Variants in EDARADD observed in about 807,000 individuals in gnomAD.
EDARADD encodes the protein EDAR associated via death domain, also known as ectodysplasin-A receptor-associated adapter protein.
Under a neutral mutation model 25.6 loss-of-function variants are expected in EDARADD, and 20 were observed. The observed-to-expected ratio is 0.78, with a 90% CI of 0.55 to 1.14. The LOEUF is 1.14. Ranked by LOEUF, EDARADD falls within the 50% of genes most tolerant of loss-of-function variation. The pLI is 0.00. For synonymous variants in EDARADD, 86 were observed against 94.4 expected (o/e 0.91, Z 0.52); for missense variants, 225 against 270.1 (o/e 0.83, Z 1.17).
At chr1:236,414,072 C>T (rs140384311) in intron 2 of EDARADD, among the ~76,000 whole-genome samples, 188 bp from the exon 3 acceptor site, 47 of 152,316 alleles carry the variant, frequency 3.1e-4, no homozygotes, top group Non-Finnish European at 4.4e-5. Flanking sequence ...AACCTCTTGT[C>T]AACCTTGATT....
In EDARADD at chr1:236,439,177, G is replaced by T. The variant is rs114131795; in HGVS notation, c.219+11727G>T. Among the ~76,000 whole-genome samples the T allele has an allele frequency of 4.6e-3, 693 of 152,274 alleles. 9 individuals carry two copies. Among genetic ancestry groups the T allele is most frequent in the African/African-American group, 0.016 (659 of 41,556 alleles). On this transcript the variant is annotated intron_variant, in intron 4 of 5. Coordinates refer to ENST00000334232, the MANE Select transcript of EDARADD (RefSeq NM_145861.4). ...TTTTCTTGCTGTCTTTTCACTGCTT[G>T]ATAGTTCATTTCTGTTTAGTGCTTA...
chr1:236,388,731 T>C (rs1248228091), intron 3 of EDARADD, among the ~76,000 whole-genome samples: 1 of 152,250 alleles, frequency 6.6e-6, no homozygotes, highest in Non-Finnish European at 1.5e-5. Flanking sequence ...CACCAAGCTA[T>C]ATTCACTTAT....
chr1:236,421,489 CTTTTTTTTTTTTTTTT>C (rs34922732), intron 3 of EDARADD, among the ~76,000 whole-genome samples: 1 of 75,430 alleles, frequency 1.3e-5, no homozygotes, highest in African/African-American at 4.6e-5. Flanking sequence ...CTTCCCAGTT[CTTTTTTTTTTTTTTTT>C]TTTTTTTTTT....
chr1:236,367,103 A>G (rs1158483711), intron 3 of EDARADD, among the ~76,000 whole-genome samples: 2 of 148,516 alleles, frequency 1.3e-5, no homozygotes, highest in Admixed American at 6.7e-5. Flanking sequence ...AAAAAAAAAA[A>G]GTAGAGTGTC....
At chr1:236,467,263 C>T (rs774542215) in intron 4 of EDARADD, among the ~76,000 whole-genome samples, 1 of 142,290 alleles carries the variant, frequency 7.0e-6, no homozygotes. Context: ...CCCAGGGCTT[C>T]TGACTCGCCT....
intron 1 of EDARADD, among the ~76,000 whole-genome samples, chr1:236,405,867 TTCC>T (rs1558112755): frequency 1.3e-3 from 79 of 60,808 alleles, no homozygotes; most frequent in Admixed American, 4.5e-3. Flanking sequence ...CCTTCCTTCC[TTCC>T]TTCCTTCTTT....
At chr1:236,453,749 T>G (rs1394348918) in intron 4 of EDARADD, among the ~76,000 whole-genome samples, 1 of 152,168 alleles carries the variant, frequency 6.6e-6, no homozygotes, top group Non-Finnish European at 1.5e-5. Context: ...ACCATCCAGG[T>G]TTGTGTAAGG....
intron 3 of EDARADD, among the ~76,000 whole-genome samples, chr1:236,351,708 CAA>C (rs35576705): frequency 0.18 from 22,032 of 123,352 alleles, 2,010 homozygotes; most frequent in East Asian, 0.44. Context: ...GACTCTGTCT[CAA>C]AAAAAAAAAA....
At position 236,405,725 on chromosome 1, in the gene EDARADD, T is replaced by TTTTCTTTC. The variant is rs1227603633; in HGVS notation, c.62-3431_62-3424dup. Among the ~76,000 whole-genome samples the TTTTCTTTC allele has an allele frequency of 7.4e-3, 886 of 120,516 alleles. 21 individuals are homozygous for TTTTCTTTC. The highest frequency in any genetic ancestry group is 0.05 in the East Asian group (171 of 3,412). 79.1% of individuals were successfully genotyped at this position (120,516 alleles called of 152,430 possible). On this transcript the variant is annotated intron_variant, in intron 1 of 5. Transcript: ENST00000334232. ...CTGCATTTTCCTCTCCTTCCTTTCT[T>TTTTCTTTC]TTTCTTTCTTTCTTTCTTTCTTTCT...
intron 3 of EDARADD, among the ~76,000 whole-genome samples, chr1:236,371,410 T>C: frequency 6.6e-6 from 1 of 152,188 alleles, no homozygotes; most frequent in Non-Finnish European, 1.5e-5. Flanking sequence ...CCAATTAATA[T>C]ATTTTATTTC....
chr1:236,377,075 T>C (rs1215978622), intron 3 of EDARADD, among the ~76,000 whole-genome samples: 2 of 150,656 alleles, frequency 1.3e-5, no homozygotes, highest in African/African-American at 4.9e-5. Flanking sequence ...CCATTTGCTC[T>C]TTCATGCTAC....
At chr1:236,412,013 AC>A (rs969384375) in intron 2 of EDARADD, among the ~76,000 whole-genome samples, 1 of 152,150 alleles carries the variant, frequency 6.6e-6, no homozygotes, top group East Asian at 1.9e-4. Context: ...ACAGAATTCA[AC>A]CCACAGTATT....
chr1:236,456,052 G>T (rs569959161), intron 4 of EDARADD, among the ~76,000 whole-genome samples: 9 of 152,162 alleles, frequency 5.9e-5, no homozygotes, highest in African/African-American at 2.2e-4. Context: ...GCCTCCCAAA[G>T]TACAGGGATT....
chr1:236,468,414 A>G, intron 5 of EDARADD, 138 bp downstream of exon 5: 1 of 812,824 alleles, frequency 1.2e-6, no homozygotes, highest in Non-Finnish European at 2.1e-6. Context: ...ACCTGAGGTC[A>G]GGAGTTCAAG....
At chr1:236,433,112 C>G (rs79049136) in intron 4 of EDARADD, among the ~76,000 whole-genome samples, 4,379 of 152,032 alleles carry the variant, frequency 0.029, 218 homozygotes, top group African/African-American at 0.1. Flanking sequence ...TAAAATGATT[C>G]TAAAATAAAA....
At position 236,356,820 on chromosome 1, in the gene EDARADD, A is replaced by G. The variant is rs764848553; in HGVS notation, c.-6+5981A>G. 3.5e-4 allele frequency among the ~76,000 whole-genome samples: 54 copies of G among 152,168 alleles called. No individual in the cohort carries two copies. The Middle Eastern group carries it at 0.021, about 58-fold the overall frequency. The stretch of plus-strand genomic sequence containing the variant: ...TTGATGAGGCCAGGGGTGGTGGCTC[A>G]CACCTGTAATCCCAGCACTTTGGGA... On this transcript the variant is annotated intron_variant, in intron 3 of 7. Coordinates refer to the EDARADD transcript ENST00000439430.
intron 4 of EDARADD, among the ~76,000 whole-genome samples, chr1:236,443,607 G>T (rs1460484141): frequency 6.6e-6 from 1 of 152,202 alleles, no homozygotes; most frequent in Admixed American, 6.5e-5. Context: ...CTGGATTTCT[G>T]CAGTGTGATG....
chr1:236,398,753 C>T lies in EDARADD; in HGVS notation c.61+4248C>T, dbSNP rs115965325. Reference sequence around the variant, plus strand: ...CTCCAGATTTCAGCTCATAGGTCACCGGGATCCAGCCCGATGTTATACATG... The same window carrying T: ...CTCCAGATTTCAGCTCATAGGTCACTGGGATCCAGCCCGATGTTATACATG... On this transcript the variant is annotated intron_variant, in intron 1 of 5. Coordinates refer to ENST00000334232, the MANE Select transcript of EDARADD (RefSeq NM_145861.4). The surrounding 1 kb of genome is among the most constrained non-coding windows in gnomAD (Gnocchi z 4.1). Among the ~76,000 whole-genome samples, 588 of 152,316 alleles carry T rather than the reference C, an allele frequency of 3.9e-3. 3 individuals are homozygous for T. The highest frequency in any genetic ancestry group is 0.013 in the African/African-American group (542 of 41,554).
At chr1:236,363,050 A>G (rs1276542928) in intron 3 of EDARADD, among the ~76,000 whole-genome samples, 1 of 125,574 alleles carries the variant, frequency 8.0e-6, no homozygotes, top group Non-Finnish European at 1.6e-5. Context: ...GTGTACAGAC[A>G]GAGTCTTGCT....
Sources: allele counts gnomAD v4.1 joint callset (sites outside exome capture counted in the v4.1 genomes callset), GRCh38; gene constraint gnomAD v4.1.1; non-coding constraint Gnocchi (gnomAD v3.1); transcripts MANE v1.5; gene names NCBI Gene and HGNC (gene_info 2026-07-23, HGNC 2026-07-21).